Variants in SPRED2 observed in about 807,000 individuals in gnomAD.
SPRED2 encodes the protein sprouty related EVH1 domain containing 2, also known as sprouty-related, EVH1 domain-containing protein 2.
A neutral mutation model predicts 43.0 loss-of-function variants in SPRED2; 47 were observed. The observed-to-expected ratio is 1.09, with a 90% CI of 0.87 to 1.40. SPRED2 has a LOEUF of 1.40. SPRED2 is among the 40% of genes most tolerant of loss of function. The probability of loss-of-function intolerance (pLI) is 0.00; values close to 1 mark genes in which losing one functional copy is unlikely to be tolerated. For synonymous variants in SPRED2, 225 were observed against 225.7 expected, an observed-to-expected ratio of 1.00 and a Z score of 0.03; for missense variants, 561 against 586.4, an observed-to-expected ratio of 0.96 and a Z score of 0.45.
At chr2:65,393,326 C>CTTTTTTTTTTTTTTTTTTTT (rs55696467) in intron 1 of SPRED2, among the ~76,000 whole-genome samples, 2 of 141,692 alleles carry the variant, frequency 1.4e-5, no homozygotes. Context: ...AATCATAAGG[C>CTTTTTTTTTTTTTTTTTTTT]TTTTTTTTTT....
At chr2:65,310,754 G>A (rs1673046293), downstream of SPRED2, 1 of 520,790 alleles carries the variant, frequency 1.9e-6, no homozygotes, top group East Asian at 1.5e-4. Context: ...CTTCGGCACA[G>A]GAAGCCCTGT....
At chr2:65,363,340 A>C (rs1320181218) in intron 1 of SPRED2, among the ~76,000 whole-genome samples, 1 of 152,136 alleles carries the variant, frequency 6.6e-6, no homozygotes. Flanking sequence ...TTGACGCAAC[A>C]AGCTGTCAGC....
At chr2:65,345,474 T>C (rs1187546600) in intron 1 of SPRED2, among the ~76,000 whole-genome samples, 1 of 152,102 alleles carries the variant, frequency 6.6e-6, no homozygotes, top group African/African-American at 2.4e-5. Context: ...GTTGGCACGC[T>C]GGTCTGGAAC....
intron 5 of SPRED2, 47 bp from the exon 6 acceptor site, chr2:65,314,216 A>C: frequency 1.3e-6 from 2 of 1,510,006 alleles, no homozygotes; most frequent in Non-Finnish European, 1.8e-6. Context: ...CGGCCAAAAA[A>C]CAAACAAACA....
chr2:65,400,553 T>A (rs67414048), intron 1 of SPRED2, among the ~76,000 whole-genome samples: 7,796 of 152,228 alleles, frequency 0.051, 297 homozygotes, highest in Middle Eastern at 0.15. Context: ...GTTACATGAG[T>A]AAGGTCTTTA....
At chr2:65,395,373 C>T (rs1387334695) in intron 1 of SPRED2, among the ~76,000 whole-genome samples, 4 of 152,162 alleles carry the variant, frequency 2.6e-5, no homozygotes, top group Non-Finnish European at 5.9e-5. Flanking sequence ...CCCCCTTCCC[C>T]TTCTCTCCAG....
At chr2:65,420,812 TA>T (rs1269644858) in intron 1 of SPRED2, among the ~76,000 whole-genome samples, 1 of 152,200 alleles carries the variant, frequency 6.6e-6, no homozygotes, top group African/African-American at 2.4e-5. Context: ...CATTGCTGTC[TA>T]AAAGAATAAA....
At chr2:65,329,285 C>G (rs1407768944) in intron 4 of SPRED2, among the ~76,000 whole-genome samples, 1 of 152,208 alleles carries the variant, frequency 6.6e-6, no homozygotes, top group Non-Finnish European at 1.5e-5. Flanking sequence ...GACAGAAAAT[C>G]TAATGACAGG....
chr2:65,316,768 T>C lies in SPRED2; in HGVS notation c.554A>G (p.Asp185Gly). The change falls in exon 5 of 6, where the codon GAC (aspartate) becomes GGC (glycine). Residue 185 changes from aspartate (D) to glycine (G), a missense_variant. This residue lies in a region of SPRED2 where 305 missense variants were observed against 282.4 expected (regional missense o/e 1.08). Coordinates refer to ENST00000356388, the MANE Select transcript of SPRED2 (RefSeq NM_181784.3). ...RRIYTLGHLH[D>G]SYPTDHYHLD... ...GTGATAGTGGTCTGTGGGGTATGAGTCGTGGAGGTGGCCCAGGGTATAAAT... is the reference window on the plus strand; with the variant it reads ...GTGATAGTGGTCTGTGGGGTATGAGCCGTGGAGGTGGCCCAGGGTATAAAT... The C allele has an allele frequency of 6.2e-7, 1 of 1,612,208 alleles. No homozygotes were observed.
At position 65,313,233 on chromosome 2, in the gene SPRED2, C is replaced by G. The variant is rs1457347466; in HGVS notation, c.*268G>C. 2 of 1,252,402 alleles carry G rather than the reference C, an allele frequency of 1.6e-6. No homozygotes were observed. Among genetic ancestry groups the G allele is most frequent in the African/African-American group, 3.0e-5 (2 of 66,186 alleles). The allele number at this position is 1,252,402 out of a possible 1,614,324, so 77.6% of individuals were successfully genotyped here. On this transcript the variant is annotated 3_prime_UTR_variant, in exon 6 of 6. Transcript: ENST00000356388. ...GCTTGGTTACAGATTGTTAATAGTA[C>G]AGGAGTCTGTGGCGAAGGTTCCTTC...
intron 1 of SPRED2, among the ~76,000 whole-genome samples, chr2:65,409,474 T>C (rs1174782219): frequency 6.6e-6 from 1 of 152,204 alleles, no homozygotes; most frequent in Non-Finnish European, 1.5e-5. Context: ...AAATTACATA[T>C]GTGGCCTATG....
At chr2:65,429,942 A>G (rs2103823319) in intron 1 of SPRED2, among the ~76,000 whole-genome samples, 1 of 152,300 alleles carries the variant, frequency 6.6e-6, no homozygotes, top group Middle Eastern at 3.4e-3. Flanking sequence ...TCTGCTTTGG[A>G]TAGCAGATGG....
At chr2:65,430,882 G>A (rs942022503) in intron 1 of SPRED2, among the ~76,000 whole-genome samples, 9 of 151,506 alleles carry the variant, frequency 5.9e-5, no homozygotes, top group Admixed American at 3.9e-4. Flanking sequence ...AAAAAAAGTG[G>A]CTGGTGGCGG....
At chr2:65,328,523 A>C (rs1245277598) in intron 4 of SPRED2, among the ~76,000 whole-genome samples, 1 of 152,196 alleles carries the variant, frequency 6.6e-6, no homozygotes, top group Non-Finnish European at 1.5e-5. Flanking sequence ...CTGTACTCAC[A>C]GGGTAGCTGT....
chr2:65,424,353 T>C (rs1317305471), intron 1 of SPRED2, among the ~76,000 whole-genome samples: 1 of 152,228 alleles, frequency 6.6e-6, no homozygotes, highest in Non-Finnish European at 1.5e-5. Flanking sequence ...TAAATTTTTA[T>C]ACACGGTACA....
downstream of SPRED2, among the ~76,000 whole-genome samples, chr2:65,307,738 A>G (rs1367343358): frequency 1.3e-5 from 2 of 152,216 alleles, no homozygotes; most frequent in Non-Finnish European, 2.9e-5. Flanking sequence ...GAGATGGGGC[A>G]GGCCCTGATT....
intron 4 of SPRED2, among the ~76,000 whole-genome samples, chr2:65,330,755 C>G (rs1673788503): frequency 6.6e-6 from 1 of 152,156 alleles, no homozygotes. Flanking sequence ...CCTTAAATTC[C>G]TTTGTGAACC....
chr2:65,404,847 C>T lies in SPRED2; in HGVS notation c.26+27115G>A, dbSNP rs547519794. On this transcript the variant is annotated intron_variant, in intron 1 of 5. Coordinates refer to ENST00000356388, the MANE Select transcript of SPRED2 (RefSeq NM_181784.3). The stretch of plus-strand genomic sequence containing the variant: ...CCCAGCATGAACAGACCACCTTTCC[C>T]TTCTGCCAAACAAACACCTCCCCCA... Among the ~76,000 whole-genome samples the T allele has an allele frequency of 2.0e-5, 3 of 152,322 alleles. No individual in the cohort carries two copies. In the South Asian group the frequency reaches 6.2e-4, roughly 32 times the overall value.
intron 4 of SPRED2, among the ~76,000 whole-genome samples, chr2:65,331,678 C>T (rs915137962): frequency 1.3e-5 from 2 of 152,178 alleles, no homozygotes; most frequent in African/African-American, 4.8e-5. Context: ...AAAACCAGGA[C>T]AGACTTGGGC....
Sources: gnomAD v4.1 joint callset for allele counts (sites outside exome capture counted in the v4.1 genomes callset) on GRCh38, gnomAD v4.1.1 for gene constraint, gnomAD v4.1.1 regional missense constraint, MANE v1.5 for transcripts, NCBI Gene and HGNC (gene_info 2026-07-23, HGNC 2026-07-21) for gene names.